The following RBM39 variants were observed in gnomAD, a reference collection of about 807,000 sequenced individuals.
RBM39 encodes the protein RNA-binding protein 39.
In RBM39, 12 loss-of-function variants were observed where a neutral mutation model predicts 79.6. That is an observed-to-expected ratio of 0.15 (90% CI 0.10 to 0.24). The LOEUF (loss-of-function observed/expected upper bound fraction) is 0.24, where lower values mean the gene tolerates loss of function less well. Ranked by LOEUF, RBM39 falls within the 10% of genes least tolerant of loss-of-function variation. The pLI, the probability that RBM39 is intolerant of heterozygous loss-of-function variation, is 1.00. For missense variants in RBM39, 243 were observed against 653.4 expected (o/e 0.37, Z 6.85); for synonymous variants, 185 against 208.4 (o/e 0.89, Z 0.97).
At chr20:35,729,182 G>C (rs554813841) in intron 6 of RBM39, 130 bp downstream of exon 6, 51 of 664,282 alleles carry the variant, frequency 7.7e-5, no homozygotes, top group Non-Finnish European at 1.2e-4. Context: ...TGACCTTAAA[G>C]TACTGGAAGT....
At chr20:35,706,468 G>C (rs1393752135) in intron 14 of RBM39, among the ~76,000 whole-genome samples, 9 of 152,170 alleles carry the variant, frequency 5.9e-5, no homozygotes, top group Non-Finnish European at 5.9e-5. Context: ...GGATGAAACA[G>C]TCATACAATT....
intron 9 of RBM39, chr20:35,719,995 C>T (rs1164291805): frequency 7.2e-6 from 2 of 279,214 alleles, no homozygotes; most frequent in Non-Finnish European, 1.5e-5. Flanking sequence ...GTTGGCCAAG[C>T]TGGTCTCAAA....
At position 35,724,936 on chromosome 20, in the gene RBM39, CACAA is replaced by C. The variant is rs560360654; in HGVS notation, c.534+98_534+101del. The C allele has an allele frequency of 9.6e-4, 996 of 1,033,052 alleles. 2 individuals carry two copies. Among genetic ancestry groups the C allele is most frequent in the Non-Finnish European group, 1.2e-3 (816 of 691,508 alleles). 64.0% of individuals were successfully genotyped at this position (1,033,052 alleles called of 1,614,324 possible). On this transcript the variant is annotated intron_variant, in intron 7 of 16. Transcript: ENST00000253363. ...ACAAGAGGCAAAATGGAAACATTAC[CACAA>C]ACAAATACTGCTACTAAATCAAATG...
intron 3 of RBM39, among the ~76,000 whole-genome samples, chr20:35,738,457 T>C (rs1329424032): frequency 3.3e-5 from 5 of 151,568 alleles, no homozygotes; most frequent in African/African-American, 1.2e-4. Context: ...AGGCCTAAGA[T>C]AATGAAAGCC....
rs1224523657 is a variant in RBM39 at position 35,701,758 on chromosome 20, C to G, written c.*2723G>C. ...GACAGAGCGAGACTCTGTCTCAAAACAAAAAAAATTTGTATTCTTAGTAGA... is the reference window on the plus strand; with the variant it reads ...GACAGAGCGAGACTCTGTCTCAAAAGAAAAAAAATTTGTATTCTTAGTAGA... On this transcript the variant is annotated 3_prime_UTR_variant, in exon 17 of 17. Transcript: ENST00000253363. 1 of 151,454 alleles carries G rather than the reference C, an allele frequency of 6.6e-6. No individual in the cohort carries two copies. Among genetic ancestry groups the G allele is most frequent in the African/African-American group, 2.4e-5 (1 of 41,236 alleles). The allele number at this position is 151,454 out of a possible 1,614,324, so 9.4% of individuals were successfully genotyped here. A position where few individuals can be genotyped will look rare whatever the true frequency, so the allele number is the denominator to read the frequency against.
intron 6 of RBM39, among the ~76,000 whole-genome samples, chr20:35,725,675 TTTC>T (rs776833170): frequency 0.056 from 6,438 of 115,110 alleles, 183 homozygotes; most frequent in African/African-American, 0.12. Context: ...TTTTTTTTTT[TTTC>T]CAGAGGAAGT....
At chr20:35,734,199 GA>G in intron 3 of RBM39, 8 of 1,302,464 alleles carry the variant, frequency 6.1e-6, no homozygotes, top group Non-Finnish European at 7.1e-6. Flanking sequence ...CTGGAATCTT[GA>G]AACCCACACT....
At chr20:35,720,843 C>G (rs544896295) in intron 9 of RBM39, among the ~76,000 whole-genome samples, 1 of 152,292 alleles carries the variant, frequency 6.6e-6, no homozygotes, top group African/African-American at 2.4e-5. Flanking sequence ...ACAGCCTTGC[C>G]AGAGGGGCAT....
At chr20:35,715,665 A>G (rs2037020811) in intron 10 of RBM39, among the ~76,000 whole-genome samples, 1 of 152,214 alleles carries the variant, frequency 6.6e-6, no homozygotes, top group Non-Finnish European at 1.5e-5. Flanking sequence ...CCCTATATGT[A>G]TATATAGCAC....
chr20:35,716,232 C>G (rs2037110641), intron 10 of RBM39, among the ~76,000 whole-genome samples: 1 of 152,056 alleles, frequency 6.6e-6, no homozygotes, highest in Non-Finnish European at 1.5e-5. Flanking sequence ...CACCACCATG[C>G]TTGGCTAATT....
intron 3 of RBM39, chr20:35,734,961 G>A (rs2039750634): frequency 1.2e-6 from 2 of 1,606,114 alleles, no homozygotes; most frequent in Non-Finnish European, 1.7e-6. Context: ...TGAAGTAAAT[G>A]GTCCACTGGG....
chr20:35,719,473 G>A (rs977254105), intron 9 of RBM39, among the ~76,000 whole-genome samples: 1 of 152,054 alleles, frequency 6.6e-6, no homozygotes, highest in African/African-American at 2.4e-5. Context: ...ACACCGAGGC[G>A]GGTAGATCAC....
In RBM39 at chr20:35,714,378, T is replaced by C; in HGVS notation, c.903A>G (p.Ser301=). Reference sequence around the variant, plus strand: ...GTTCCAAAGCCTTTTTGGCACATTCTGAGTCAGAAAACTACATGATAGGGG... The same window carrying C: ...GTTCCAAAGCCTTTTTGGCACATTCCGAGTCAGAAAACTACATGATAGGGG... ...KGYGFITFSD[S]ECAKKALEQL... Residue 301 remains serine (S), a synonymous_variant, in exon 11 of 17, where the codon TCA becomes TCG. Coordinates refer to ENST00000253363, the MANE Select transcript of RBM39 (RefSeq NM_184234.3). 1.9e-6 allele frequency: 3 copies of C among 1,614,124 alleles called. No individual in the cohort carries two copies. Among genetic ancestry groups the C allele is most frequent in the Non-Finnish European group, 2.5e-6 (3 of 1,179,982 alleles).
rs771479570 is a variant in RBM39 at position 35,702,473 on chromosome 20, T to C, written c.*2008A>G. On this transcript the variant is annotated 3_prime_UTR_variant, in exon 17 of 17. Transcript: ENST00000253363. The stretch of plus-strand genomic sequence containing the variant: ...TTTTGGCACAGATGAGATTAACCAC[T>C]AAAGGCCACATTTGCTGGTCCAGTT... The C allele has an allele frequency of 2.1e-5, 3 of 145,978 alleles. No homozygotes were observed. Among genetic ancestry groups the C allele is most frequent in the Non-Finnish European group, 2.9e-5 (2 of 67,998 alleles). The allele number at this position is 145,978 out of a possible 1,614,324, so 9.0% of individuals were successfully genotyped here.
intron 13 of RBM39, chr20:35,707,824 C>A: frequency 2.3e-6 from 1 of 441,536 alleles, no homozygotes; most frequent in East Asian, 7.8e-5. Context: ...TGTGTAATAT[C>A]CACTACTACC....
intron 13 of RBM39, 69 bp downstream of exon 13, chr20:35,709,155 G>A: frequency 7.2e-7 from 1 of 1,394,196 alleles, no homozygotes; most frequent in Admixed American, 2.1e-5. Context: ...AATAAATATA[G>A]AAAACTGTCT....
At chr20:35,736,401 T>A (rs2039907405) in intron 3 of RBM39, 2 of 299,766 alleles carry the variant, frequency 6.7e-6, no homozygotes, top group East Asian at 1.7e-4. Context: ...TCATTTTTAA[T>A]CCATTACCAC....
rs1193273599 is a variant in RBM39, at chr20:35,738,883, A to G, written c.101+85T>C. ...GAAAAGCTTCAGAAGAGAATTTTGT[A>G]TACTTTAGCCACAGGAACACAACTT... On this transcript the variant is annotated intron_variant, in intron 3 of 16. Transcript: ENST00000253363. The G allele has an allele frequency of 5.0e-6, 6 of 1,201,030 alleles. No homozygotes were observed. In the East Asian group the frequency reaches 1.4e-4, roughly 29 times the overall value. 74.4% of individuals were successfully genotyped at this position (1,201,030 alleles called of 1,614,324 possible).
At chr20:35,724,437 A>C in intron 8 of RBM39, 133 bp downstream of exon 8, 1 of 841,216 alleles carries the variant, frequency 1.2e-6, no homozygotes, top group South Asian at 3.5e-5. Context: ...AAAGTTAAAA[A>C]AAAAAAAAAA....
Sources: allele counts gnomAD v4.1 joint callset (sites outside exome capture counted in the v4.1 genomes callset), GRCh38; gene constraint gnomAD v4.1.1; transcripts MANE v1.5; gene names NCBI Gene and HGNC (gene_info 2026-07-23, HGNC 2026-07-21).